Variants in RDH5 observed in about 807,000 individuals in gnomAD.
The protein encoded by RDH5 is 11-cis RDH.
A neutral mutation model predicts 24.0 loss-of-function variants in RDH5; 25 were observed. The observed-to-expected ratio is 1.04, with a 90% CI of 0.76 to 1.46. The LOEUF is 1.46. Among genes scored for constraint, RDH5 ranks in the 40% most tolerant of loss-of-function variants. The pLI, the probability that RDH5 is intolerant of heterozygous loss-of-function variation, is 0.00. For synonymous variants in RDH5, 170 were observed against 175.2 expected (o/e 0.97, Z 0.23); for missense variants, 369 against 410.3 (o/e 0.90, Z 0.87).
chr12:55,721,496 T>C lies in RDH5; in HGVS notation c.310+2T>C. On this transcript the variant is annotated splice_donor_variant, in intron 2 of 4. Coordinates refer to ENST00000257895, the MANE Select transcript of RDH5 (RefSeq NM_002905.5). LOFTEE classifies it high-confidence loss of function. The surrounding 1 kb of genome is among the most constrained non-coding windows in gnomAD (Gnocchi z 4.7). The stretch of plus-strand genomic sequence containing the variant: ...TGGAGATGCACGTTAAGGAAGCAGG[T>C]AAGTATGGTAGACCACCAGGAATAT... 1 of 1,604,926 alleles carries C rather than the reference T, an allele frequency of 6.2e-7. No homozygotes were observed.
rs2136143271 is a variant in RDH5, at chr12:55,724,536, A to C, written c.948A>C (p.Ala316=). Residue 316 remains alanine (A), a synonymous_variant, in exon 5 of 5, where the codon GCA becomes GCC. Coordinates refer to ENST00000257895, the MANE Select transcript of RDH5 (RefSeq NM_002905.5). Reference sequence around the variant, plus strand: ...GGGTCCTTCCCAAGCCTGCCCAAGCAGTCTACTGAATCCAGCCTTCCAGCA... The same window carrying C: ...GGGTCCTTCCCAAGCCTGCCCAAGCCGTCTACTGAATCCAGCCTTCCAGCA... The part of the protein sequence containing the change: ...LTWVLPKPAQ[A]VY The C allele has an allele frequency of 6.2e-7, 1 of 1,611,228 alleles. No homozygotes were observed. Among genetic ancestry groups the C allele is most frequent in the Middle Eastern group, 1.6e-4 (1 of 6,062 alleles).
Position 55,724,345 on chromosome 12 carries a change from A to G in RDH5, c.757A>G (p.Met253Val), listed in dbSNP as rs1266070632. 1.9e-6 allele frequency: 3 copies of G among 1,614,086 alleles called. No individual in the cohort carries two copies. The highest frequency in any genetic ancestry group is 2.5e-6 in the Non-Finnish European group (3 of 1,180,050). Reference protein sequence around the residue: ...TKYLKMQQRIMNLICDPDLTK... With the variant: ...TKYLKMQQRIVNLICDPDLTK... Reference sequence around the variant, plus strand: ...AGACCTGAAAATGCAACAGCGCATCATGAACCTGATCTGTGACCCGGACCT... The same window carrying G: ...AGACCTGAAAATGCAACAGCGCATCGTGAACCTGATCTGTGACCCGGACCT... The change falls in exon 5 of 5, where the codon ATG becomes GTG. Residue 253 changes from methionine to valine, a missense_variant. Physicochemically the swap from Met to Val is conservative, Grantham distance 21 (BLOSUM62 1). Transcript: ENST00000257895.
chr12:55,723,964 G>A lies in RDH5; in HGVS notation c.648G>A (p.Glu216=). ...GFFRTPVTNL[E]SLEKTLQACW... ...TCCGAACCCCTGTGACCAACCTGGA[G>A]AGTCTGGAGAAAACCCTGCAGGCCT... The change falls in exon 4 of 5, where the codon GAG becomes GAA. Residue 216 remains glutamate (E), a synonymous_variant. Coordinates refer to ENST00000257895, the MANE Select transcript of RDH5 (RefSeq NM_002905.5). 6.2e-7 allele frequency: 1 copy of A among 1,614,116 alleles called. No homozygotes were observed. Among genetic ancestry groups the A allele is most frequent in the Non-Finnish European group, 8.5e-7 (1 of 1,180,048 alleles).
chr12:55,723,450 C>A, intron 3 of RDH5: 1 of 254,114 alleles, frequency 3.9e-6, no homozygotes, highest in Non-Finnish European at 7.8e-6. Flanking sequence ...AGGGCTCAAC[C>A]ATGTGTTTTG....
chr12:55,720,573 A>C (rs2136138005), intron 1 of RDH5, 56 bp downstream of exon 1: 1 of 153,066 alleles, frequency 6.5e-6, no homozygotes, highest in East Asian at 1.9e-4. Flanking sequence ...TATTACATGT[A>C]TTGCCAACTC....
In RDH5 at chr12:55,721,837, A is replaced by T; in HGVS notation, c.459A>T (p.Gln153His). ...VTLALLPLLQ[Q>H]ARGRVINITS... Reference sequence around the variant, plus strand: ...TTGCCCTGCTGCCTCTGCTGCAGCAAGCCCGGGGCCGGGTGATCAACATCA... The same window carrying T: ...TTGCCCTGCTGCCTCTGCTGCAGCATGCCCGGGGCCGGGTGATCAACATCA... Residue 153 changes from glutamine (Q) to histidine (H), a missense_variant, in exon 3 of 5, where the codon CAA (glutamine) becomes CAT (histidine). Coordinates refer to ENST00000257895, the MANE Select transcript of RDH5 (RefSeq NM_002905.5). This position sits in a 1 kb window ranked among gnomAD's most constrained non-coding sequence, Gnocchi z 4.7. 1 of 1,614,060 alleles carries T rather than the reference A, an allele frequency of 6.2e-7. No individual in the cohort carries two copies. The highest frequency in any genetic ancestry group is 8.5e-7 in the Non-Finnish European group (1 of 1,180,022).
chr12:55,723,950 G>A lies in RDH5; in HGVS notation c.634G>A (p.Val212Met). 1 of 1,614,144 alleles carries A rather than the reference G, an allele frequency of 6.2e-7. No homozygotes were observed. The highest frequency in any genetic ancestry group is 1.3e-5 in the African/African-American group (1 of 75,064). Residue 212 changes from valine to methionine, a missense_variant, in exon 4 of 5, where the codon GTG (valine) becomes ATG (methionine). Coordinates refer to ENST00000257895, the MANE Select transcript of RDH5 (RefSeq NM_002905.5). The stretch of plus-strand genomic sequence containing the variant: ...GGAGCCTGGCTTCTTCCGAACCCCT[G>A]TGACCAACCTGGAGAGTCTGGAGAA... ...IVEPGFFRTP[V>M]TNLESLEKTL...
At position 55,721,082 on chromosome 12, in the gene RDH5, G is replaced by A; in HGVS notation, c.-32-71G>A. 1 of 1,026,530 alleles carries A rather than the reference G, an allele frequency of 9.7e-7. No homozygotes were observed. 63.6% of individuals were successfully genotyped at this position (1,026,530 alleles called of 1,614,324 possible). A position where few individuals can be genotyped will look rare whatever the true frequency, so the allele number is the denominator to read the frequency against. ...AATATGCTCACACCAGATGCTTCCA[G>A]CTAGGGAGGGTATTAGGGGAAAGGG... On this transcript the variant is annotated intron_variant, in intron 1 of 4. Transcript: ENST00000257895. This position sits in a 1 kb window ranked among gnomAD's most constrained non-coding sequence, Gnocchi z 4.7.
intron 4 of RDH5, 119 bp from the exon 5 acceptor site, chr12:55,724,203 C>T: frequency 7.0e-7 from 1 of 1,436,184 alleles, no homozygotes; most frequent in South Asian, 1.2e-5. Context: ...GTGGAACCTG[C>T]CCACTCCCCA....
In RDH5 at chr12:55,721,709, A is replaced by C; in HGVS notation, c.331A>C (p.Asn111His). The C allele has an allele frequency of 6.2e-7, 1 of 1,612,496 alleles. No individual in the cohort carries two copies. Among genetic ancestry groups the C allele is most frequent in the Non-Finnish European group, 8.5e-7 (1 of 1,180,022 alleles). Residue 111 changes from asparagine to histidine, a missense_variant, in exon 3 of 5, where the codon AAT becomes CAT. Physicochemically the swap from Asn to His is moderately conservative, Grantham distance 68 (BLOSUM62 1). Transcript: ENST00000257895. The surrounding 1 kb of genome is among the most constrained non-coding windows in gnomAD (Gnocchi z 4.7). The stretch of plus-strand genomic sequence containing the variant: ...CACAGGGCTTTTTGGTCTGGTGAAT[A>C]ATGCTGGTGTGGCTGGTATCATCGG... Reference protein sequence around the residue: ...KEAGLFGLVNNAGVAGIIGPT... With the variant: ...KEAGLFGLVNHAGVAGIIGPT...
At chr12:55,723,753 G>C in intron 3 of RDH5, 133 bp from the exon 4 acceptor site, 1 of 1,005,028 alleles carries the variant, frequency 9.9e-7, no homozygotes, top group South Asian at 1.3e-5. Context: ...CCCTTGTCCC[G>C]GGGCAGTAGG....
rs745867910 is a variant in RDH5 at position 55,721,441 on chromosome 12, C to A, written c.257C>A (p.Pro86His). 1 of 1,613,028 alleles carries A rather than the reference C, an allele frequency of 6.2e-7. No individual in the cohort carries two copies. The highest frequency in any genetic ancestry group is 8.5e-7 in the Non-Finnish European group (1 of 1,180,026). The change falls in exon 2 of 5, where the codon CCC becomes CAC. Residue 86 changes from proline to histidine, a missense_variant. Physicochemically the swap from Pro to His is moderately conservative, Grantham distance 77. Transcript: ENST00000257895. The surrounding 1 kb of genome is among the most constrained non-coding windows in gnomAD (Gnocchi z 4.7). ...ACCACCCTGTTGGATATCACTGATC[C>A]CCAGAGCGTCCAGCAGGCAGCCAAG... ...LHTTLLDITD[P>H]QSVQQAAKWV... is the part of the protein sequence containing the mutation.
Position 55,723,949 on chromosome 12 carries a change from T to C in RDH5, c.633T>C (p.Pro211=), listed in dbSNP as rs1877062660. The change falls in exon 4 of 5, where the codon CCT becomes CCC. Residue 211 remains proline, a synonymous_variant. Coordinates refer to ENST00000257895, the MANE Select transcript of RDH5 (RefSeq NM_002905.5). Reference sequence around the variant, plus strand: ...TGGAGCCTGGCTTCTTCCGAACCCCTGTGACCAACCTGGAGAGTCTGGAGA... The same window carrying C: ...TGGAGCCTGGCTTCTTCCGAACCCCCGTGACCAACCTGGAGAGTCTGGAGA... ...SIVEPGFFRT[P]VTNLESLEKT... 6.2e-7 allele frequency: 1 copy of C among 1,614,142 alleles called. No homozygotes were observed. Among genetic ancestry groups the C allele is most frequent in the South Asian group, 1.1e-5 (1 of 91,078 alleles).
In RDH5 at chr12:55,721,772, G is replaced by A. The variant is rs62638187; in HGVS notation, c.394G>A (p.Val132Met). 4.3e-6 allele frequency: 7 copies of A among 1,614,024 alleles called. No homozygotes were observed. The East Asian group carries it at 1.6e-4, about 36-fold the overall frequency. ...PWLTRDDFQR[V>M]LNVNTMGPIG... ...GCTGACCCGGGACGATTTCCAGCGG[G>A]TGCTGAATGTGAACACAATGGGTCC... is the stretch of plus-strand genomic sequence containing the variant. Residue 132 changes from valine (V) to methionine (M), a missense_variant, in exon 3 of 5, where the codon GTG becomes ATG. Transcript: ENST00000257895. This position sits in a 1 kb window ranked among gnomAD's most constrained non-coding sequence, Gnocchi z 4.7.
At chr12:55,723,431 C>G (rs1218180053) in intron 3 of RDH5, 2 of 225,526 alleles carry the variant, frequency 8.9e-6, no homozygotes, top group African/African-American at 4.7e-5. Flanking sequence ...CCTTCAATAT[C>G]CAGCACTCAG....
rs1388279175 is a variant in RDH5 at position 55,720,523 on chromosome 12, T to C, written c.-33+6T>C. The stretch of plus-strand genomic sequence containing the variant: ...GCCAGCTTTCGCCACAGGAGGTAAG[T>C]GGATACTGGGAGCTGGGGGAACTGA... On this transcript the variant is annotated splice_donor_region_variant and intron_variant, in intron 1 of 4. Transcript: ENST00000257895. 3 of 152,512 alleles carry C rather than the reference T, an allele frequency of 2.0e-5. No homozygotes were observed. Among genetic ancestry groups the C allele is most frequent in the Non-Finnish European group, 4.4e-5 (3 of 68,286 alleles). 9.4% of individuals were successfully genotyped at this position (152,512 alleles called of 1,614,324 possible).
At chr12:55,724,198 A>G in intron 4 of RDH5, 124 bp from the exon 5 acceptor site, 1 of 1,447,224 alleles carries the variant, frequency 6.9e-7, no homozygotes, top group Non-Finnish European at 9.5e-7. Context: ...GCCATGTGGA[A>G]CCTGCCCACT....
chr12:55,722,115 A>G (rs1197030898), intron 3 of RDH5, 168 bp downstream of exon 3: 2 of 674,726 alleles, frequency 3.0e-6, no homozygotes, highest in Non-Finnish European at 4.9e-6. Flanking sequence ...CTTTGTGACC[A>G]TAAGTAGATT....
At position 55,724,427 on chromosome 12, in the gene RDH5, G is replaced by T. The variant is rs62638193; in HGVS notation, c.839G>T (p.Arg280Leu). The part of the protein sequence containing the change: ...HALTARHPRT[R>L]YSPGWDAKLL... Reference sequence around the variant, plus strand: ...CTGACTGCTCGACACCCCCGAACCCGCTACAGCCCAGGTTGGGATGCCAAG... The same window carrying T: ...CTGACTGCTCGACACCCCCGAACCCTCTACAGCCCAGGTTGGGATGCCAAG... Residue 280 changes from arginine (R) to leucine (L), a missense_variant, in exon 5 of 5, where the codon CGC becomes CTC. Physicochemically the swap from Arg to Leu is moderately radical, Grantham distance 102. Transcript: ENST00000257895. The T allele has an allele frequency of 5.6e-6, 9 of 1,614,126 alleles. No homozygotes were observed. The highest frequency in any genetic ancestry group is 7.6e-6 in the Non-Finnish European group (9 of 1,180,026).
Sources: allele counts gnomAD v4.1 joint callset, GRCh38; gene constraint gnomAD v4.1.1; non-coding constraint Gnocchi (gnomAD v3.1); transcripts MANE v1.5; gene names NCBI Gene and HGNC (gene_info 2026-07-23, HGNC 2026-07-21).